The following RHOJ variants were observed in gnomAD, a reference collection of about 807,000 sequenced individuals.
RHOJ encodes rho-related GTP-binding protein RhoJ.
RHOJ carries 11 observed loss-of-function variants against 23.4 expected under a neutral mutation model. The observed-to-expected ratio is 0.47, with a 90% confidence interval of 0.30 to 0.78. RHOJ has a LOEUF of 0.78. Ranked by LOEUF, RHOJ falls within the 30% of genes least tolerant of loss-of-function variation. RHOJ has a pLI of 0.08. For synonymous variants in RHOJ, 102 were observed against 102.7 expected (o/e 0.99, Z 0.04); for missense variants, 254 against 273.4 (o/e 0.93, Z 0.50).
chr14:63,209,638 C>G (rs1165794652), intron 1 of RHOJ, among the ~76,000 whole-genome samples: 1 of 152,146 alleles, frequency 6.6e-6, no homozygotes, highest in Non-Finnish European at 1.5e-5. Context: ...TATTTGCTAT[C>G]TCCAGCTTCA....
At chr14:63,230,564 T>TTCAGAAAGG (rs1440991017) in intron 1 of RHOJ, among the ~76,000 whole-genome samples, 2 of 152,148 alleles carry the variant, frequency 1.3e-5, no homozygotes, top group Non-Finnish European at 2.9e-5. Flanking sequence ...TTCAGAACCC[T>TTCAGAAAGG]GCTCAAATGT....
chr14:63,252,704 C>A (rs1412621293), intron 1 of RHOJ, among the ~76,000 whole-genome samples: 2 of 152,160 alleles, frequency 1.3e-5, no homozygotes, highest in African/African-American at 4.8e-5. Flanking sequence ...ATCTCCTAAT[C>A]TTCTCCCTCA....
chr14:63,205,908 A>G (rs1407725772), intron 1 of RHOJ, among the ~76,000 whole-genome samples: 1 of 152,236 alleles, frequency 6.6e-6, no homozygotes, highest in Non-Finnish European at 1.5e-5. Flanking sequence ...TAAGTTTATC[A>G]AAAGCAAGTT....
intron 4 of RHOJ, 160 bp downstream of exon 4, chr14:63,283,376 G>T: frequency 1.6e-6 from 1 of 628,218 alleles, no homozygotes; most frequent in South Asian, 2.0e-5. Flanking sequence ...AGTCGGGCTG[G>T]AAGGAGCCAT....
intron 1 of RHOJ, among the ~76,000 whole-genome samples, chr14:63,256,261 T>C (rs572506782): frequency 6.6e-6 from 1 of 152,310 alleles, no homozygotes; most frequent in South Asian, 2.1e-4. Context: ...CCCTGCACTA[T>C]ATGCCAACCG....
At chr14:63,239,843 AT>A (rs1327892269) in intron 1 of RHOJ, among the ~76,000 whole-genome samples, 5 of 152,188 alleles carry the variant, frequency 3.3e-5, no homozygotes, top group Non-Finnish European at 7.3e-5. Context: ...TATGTGTGGT[AT>A]TTTCTGGAAT....
intron 1 of RHOJ, among the ~76,000 whole-genome samples, chr14:63,261,865 G>T (rs768965587): frequency 9.2e-5 from 14 of 152,006 alleles, no homozygotes; most frequent in Non-Finnish European, 1.5e-4. Context: ...TCCTATATTC[G>T]CATGAAAGCT....
At chr14:63,288,068 C>A in intron 4 of RHOJ, 2 of 571,674 alleles carry the variant, frequency 3.5e-6, no homozygotes, top group Non-Finnish European at 2.2e-6. Context: ...GATTGTTTCT[C>A]ACACGTGTTT....
chr14:63,272,365 T>G (rs1895486705), intron 2 of RHOJ, among the ~76,000 whole-genome samples: 1 of 152,216 alleles, frequency 6.6e-6, no homozygotes, highest in Admixed American at 6.5e-5. Context: ...ATTCATTTGG[T>G]CAATTACAAT....
chr14:63,278,322 T>C (rs191371301), intron 2 of RHOJ, among the ~76,000 whole-genome samples: 138 of 152,344 alleles, frequency 9.1e-4, no homozygotes, highest in African/African-American at 3.2e-3. Flanking sequence ...GATCAATGCA[T>C]GCCCACCAAC....
intron 4 of RHOJ, chr14:63,288,192 G>T (rs1882142516): frequency 1.0e-6 from 1 of 985,282 alleles, no homozygotes; most frequent in Non-Finnish European, 1.2e-6. Flanking sequence ...CTTCAGAAAT[G>T]TCTGAATTGG....
chr14:63,219,445 T>A (rs573055315), intron 1 of RHOJ, among the ~76,000 whole-genome samples: 1 of 152,244 alleles, frequency 6.6e-6, no homozygotes, highest in Non-Finnish European at 1.5e-5. Context: ...CAAGAAAAAT[T>A]GTTTTTTCTT....
intron 1 of RHOJ, among the ~76,000 whole-genome samples, chr14:63,236,425 T>C (rs1894790149): frequency 6.6e-6 from 1 of 152,160 alleles, no homozygotes; most frequent in Non-Finnish European, 1.5e-5. Context: ...CTCGCAATCA[T>C]GGCCAAAGGT....
At chr14:63,286,553 A>G (rs1882088523) in intron 4 of RHOJ, among the ~76,000 whole-genome samples, 1 of 152,212 alleles carries the variant, frequency 6.6e-6, no homozygotes, top group African/African-American at 2.4e-5. Flanking sequence ...GTTCACCCAC[A>G]AATGTTTTCA....
At position 63,293,333 on chromosome 14, in the gene RHOJ, A is replaced by G. The variant is rs1882310144; in HGVS notation, c.*2309A>G. 6.6e-6 allele frequency: 1 copy of G among 152,188 alleles called. No individual in the cohort carries two copies. The highest frequency in any genetic ancestry group is 6.5e-5 in the Admixed American group (1 of 15,286). 9.4% of individuals were successfully genotyped at this position (152,188 alleles called of 1,614,324 possible). On this transcript the variant is annotated 3_prime_UTR_variant, in exon 5 of 5. Coordinates refer to ENST00000316754, the MANE Select transcript of RHOJ (RefSeq NM_020663.5). ...CCAGGTGTGTGCACTCAACAGGCAA[A>G]TAGCTCCCGAGGTCACCACTTCCCT...
intron 1 of RHOJ, among the ~76,000 whole-genome samples, chr14:63,219,637 G>A (rs1276816408): frequency 6.6e-6 from 1 of 152,070 alleles, no homozygotes; most frequent in Non-Finnish European, 1.5e-5. Context: ...TCAACATGGT[G>A]AAACCCTGTC....
intron 2 of RHOJ, among the ~76,000 whole-genome samples, chr14:63,280,213 T>G (rs745334275): frequency 6.6e-6 from 1 of 151,976 alleles, no homozygotes; most frequent in Non-Finnish European, 1.5e-5. Flanking sequence ...TTTGTAGAGA[T>G]AGGGTCTCGC....
chr14:63,287,986 T>G (rs1337240079), intron 4 of RHOJ, among the ~76,000 whole-genome samples: 1 of 152,198 alleles, frequency 6.6e-6, no homozygotes. Context: ...TGCTTTTTCC[T>G]TGAACCGGGA....
Position 63,227,326 on chromosome 14 carries a change from G to A in RHOJ, c.178+22279G>A, listed in dbSNP as rs191987600. 2.7e-3 allele frequency among the ~76,000 whole-genome samples: 412 copies of A among 152,240 alleles called. 2 individuals carry two copies. The highest frequency in any genetic ancestry group is 3.4e-3 in the Middle Eastern group (1 of 294). ...AAATAAACTGTTTTGAATATGCAAG[G>A]ACTCTAGGAATATTGGTCTCATGAG... is the stretch of plus-strand genomic sequence containing the variant. On this transcript the variant is annotated intron_variant, in intron 1 of 4. Transcript: ENST00000316754.
Sources: gnomAD v4.1 joint callset for allele counts (sites outside exome capture counted in the v4.1 genomes callset) on GRCh38, gnomAD v4.1.1 for gene constraint, MANE v1.5 for transcripts, NCBI Gene and HGNC (gene_info 2026-07-23, HGNC 2026-07-21) for gene names.